The following FUT8 variants were observed in gnomAD, a reference collection of about 807,000 sequenced individuals.
FUT8 encodes the protein alpha-(1,6)-fucosyltransferase.
FUT8 carries 29 observed loss-of-function variants against 71.3 expected under a neutral mutation model. The ratio of observed to expected loss-of-function variants is 0.41; its 90% CI spans 0.30 to 0.55. FUT8 has a LOEUF of 0.55. FUT8 is among the 20% of genes least tolerant of loss of function. FUT8 has a pLI of 0.34. For missense variants in FUT8, 544 were observed against 702.1 expected (o/e 0.77, Z 2.55); for synonymous variants, 254 against 239.3 (o/e 1.06, Z -0.57).
At chr14:65,675,970 C>T (rs1216883458) in intron 7 of FUT8, among the ~76,000 whole-genome samples, 2 of 152,074 alleles carry the variant, frequency 1.3e-5, no homozygotes, top group African/African-American at 4.8e-5. Flanking sequence ...GCACTCCAGC[C>T]TGAGCGAGAG....
chr14:65,722,478 A>G (rs1265417998), intron 8 of FUT8, among the ~76,000 whole-genome samples: 3 of 151,884 alleles, frequency 2.0e-5, no homozygotes, highest in Non-Finnish European at 2.9e-5. Flanking sequence ...TTATTTTCAT[A>G]TTTCCCACCC....
rs139161832 is a variant in FUT8 at position 65,624,385 on chromosome 14, A to G, written c.483-5107A>G. ...TGTGAATAATTAATTGCCAAGACTT[A>G]GTACTGATGTAAACTTGGTAAAAAC... On this transcript the variant is annotated intron_variant, in intron 5 of 10. Coordinates refer to ENST00000673929, the MANE Select transcript of FUT8 (RefSeq NM_001371533.1). 2.6e-5 allele frequency among the ~76,000 whole-genome samples: 4 copies of G among 152,112 alleles called. No individual in the cohort carries two copies. In the East Asian group the frequency reaches 7.7e-4, roughly 29 times the overall value.
chr14:65,530,955 T>C lies in FUT8; in HGVS notation c.-227-30382T>C, dbSNP rs137994661. 5.4e-5 allele frequency among the ~76,000 whole-genome samples: 8 copies of C among 147,804 alleles called. No homozygotes were observed. The East Asian group carries it at 1.5e-3, about 27-fold the overall frequency. On this transcript the variant is annotated intron_variant, in intron 2 of 10. Transcript: ENST00000673929. ...AGATAGAATATAAGACCAATTTTTTTATTGGTAAAAAGTATGGGAACTTTT... is the reference window on the plus strand; with the variant it reads ...AGATAGAATATAAGACCAATTTTTTCATTGGTAAAAAGTATGGGAACTTTT...
In FUT8 at chr14:65,550,824, A is replaced by C. The variant is rs149347512; in HGVS notation, c.-227-10513A>C. ...TCTTGTTGGCATCATAGTATAAAAT[A>C]CATATTTTTGGCAAAGTAATTAATA... On this transcript the variant is annotated intron_variant, in intron 2 of 10. Transcript: ENST00000673929. The surrounding 1 kb of genome is among the most constrained non-coding windows in gnomAD (Gnocchi z 4.5). Among the ~76,000 whole-genome samples the C allele has an allele frequency of 1.0e-3, 157 of 152,336 alleles. 1 individual carries two copies. The highest frequency in any genetic ancestry group is 3.6e-3 in the African/African-American group (150 of 41,572).
intron 3 of FUT8, among the ~76,000 whole-genome samples, chr14:65,577,597 A>G (rs546070520): frequency 6.6e-6 from 1 of 152,158 alleles, no homozygotes; most frequent in African/African-American, 2.4e-5. Context: ...ACATAGTTTT[A>G]TAGAACTCAG....
intron 9 of FUT8, among the ~76,000 whole-genome samples, chr14:65,729,106 G>C (rs1895832623): frequency 7.4e-6 from 1 of 135,424 alleles, no homozygotes; most frequent in African/African-American, 2.8e-5. Flanking sequence ...GCTCACTGCA[G>C]CCTCAACCTC....
At chr14:65,629,734 A>G (rs1890078039) in intron 6 of FUT8, 128 bp downstream of exon 6, 1 of 647,462 alleles carries the variant, frequency 1.5e-6, no homozygotes, top group African/African-American at 1.8e-5. Flanking sequence ...CATTTTACAT[A>G]TTTATTCAGA....
At chr14:65,730,445 G>A (rs1300182937) in intron 9 of FUT8, among the ~76,000 whole-genome samples, 3 of 152,130 alleles carry the variant, frequency 2.0e-5, no homozygotes, top group Admixed American at 2.0e-4. Context: ...AGGCCGAGGT[G>A]GGCGGATCAC....
intron 2 of FUT8, among the ~76,000 whole-genome samples, chr14:65,522,502 AAAG>A (rs1203229278): frequency 6.6e-6 from 1 of 152,200 alleles, no homozygotes; most frequent in Non-Finnish European, 1.5e-5. Flanking sequence ...CAGCAAGACA[AAAG>A]AACTGCTTTC....
chr14:65,571,655 G>C (rs1274530966), intron 3 of FUT8, among the ~76,000 whole-genome samples: 1 of 152,038 alleles, frequency 6.6e-6, no homozygotes, highest in Non-Finnish European at 1.5e-5. Flanking sequence ...CAGAACCTTG[G>C]TAGAATAAAA....
At chr14:65,428,297 A>C (rs752289311) in intron 1 of FUT8, among the ~76,000 whole-genome samples, 3 of 152,214 alleles carry the variant, frequency 2.0e-5, no homozygotes, top group Non-Finnish European at 2.9e-5. Flanking sequence ...TCTCTTCAGA[A>C]TTCTTACGTT....
chr14:65,508,859 T>G (rs1882141036), intron 2 of FUT8, among the ~76,000 whole-genome samples: 2 of 152,128 alleles, frequency 1.3e-5, no homozygotes, highest in African/African-American at 4.8e-5. Flanking sequence ...TTGCAAATAT[T>G]TTCTTCCATT....
intron 7 of FUT8, among the ~76,000 whole-genome samples, chr14:65,695,966 CT>C (rs1182655930): frequency 6.6e-6 from 1 of 152,106 alleles, no homozygotes; most frequent in Non-Finnish European, 1.5e-5. Flanking sequence ...TCCAAATCCA[CT>C]TTCAAATAAC....
Position 65,717,520 on chromosome 14 carries a change from G to A in FUT8, c.836-4255G>A, listed in dbSNP as rs545735052. On this transcript the variant is annotated intron_variant, in intron 7 of 10. Coordinates refer to ENST00000673929, the MANE Select transcript of FUT8 (RefSeq NM_001371533.1). ...CAGAGGCGCTCCTCACCTCCCAGAC[G>A]AAGGGCGGCCGGGCAGAGGCGCTCC... is the stretch of plus-strand genomic sequence containing the variant. Among the ~76,000 whole-genome samples the A allele has an allele frequency of 6.0e-3, 610 of 101,382 alleles. 7 individuals are homozygous for A. The highest frequency in any genetic ancestry group is 0.021 in the African/African-American group (540 of 26,088). 66.5% of individuals were successfully genotyped at this position (101,382 alleles called of 152,430 possible).
intron 2 of FUT8, among the ~76,000 whole-genome samples, chr14:65,504,364 A>G (rs527923003): frequency 6.6e-6 from 1 of 152,268 alleles, no homozygotes; most frequent in South Asian, 2.1e-4. Flanking sequence ...TTTGTGTGGG[A>G]TATGTTTCAC....
chr14:65,402,116 A>G, the FUT8 span, among the ~76,000 whole-genome samples: 2 of 151,330 alleles, frequency 1.3e-5, no homozygotes, highest in Admixed American at 6.6e-5. Flanking sequence ...GGGTCCTTGC[A>G]CTTTAAAGAG....
chr14:65,449,618 T>C (rs997447214), intron 1 of FUT8, among the ~76,000 whole-genome samples: 3 of 152,208 alleles, frequency 2.0e-5, no homozygotes, highest in African/African-American at 7.2e-5. Context: ...CTAGAAGACA[T>C]TGAGGTCCTG....
In FUT8 at chr14:65,729,601, G is replaced by A. The variant is rs144258696; in HGVS notation, c.1260-3630G>A. Among the ~76,000 whole-genome samples, 580 of 148,600 alleles carry A rather than the reference G, an allele frequency of 3.9e-3. 7 individuals are homozygous for A. Among genetic ancestry groups the A allele is most frequent in the African/African-American group, 0.013 (521 of 39,946 alleles). On this transcript the variant is annotated intron_variant, in intron 9 of 10. Transcript: ENST00000673929. ...CACAATCTCAGCTCACGGTAGCCTC[G>A]ACCTCCTGGGCTCAATGATCCTCCC...
the FUT8 span, among the ~76,000 whole-genome samples, chr14:65,362,056 G>C: frequency 1.3e-5 from 2 of 152,200 alleles, no homozygotes; most frequent in Non-Finnish European, 2.9e-5. Flanking sequence ...GGTTTCGCCA[G>C]TTGTGATGAC....
Sources: allele counts gnomAD v4.1 joint callset (sites outside exome capture counted in the v4.1 genomes callset), GRCh38; gene constraint gnomAD v4.1.1; non-coding constraint Gnocchi (gnomAD v3.1); transcripts MANE v1.5; gene names NCBI Gene and HGNC (gene_info 2026-07-23, HGNC 2026-07-21).